Variants in SLC10A7 observed in about 807,000 individuals in gnomAD.
SLC10A7 encodes the protein solute carrier family 10 member 7.
Under a neutral mutation model 43.2 loss-of-function variants are expected in SLC10A7, and 29 were observed. The ratio of observed to expected loss-of-function variants is 0.67; its 90% CI spans 0.50 to 0.92. The LOEUF is 0.92. Among genes scored for constraint, SLC10A7 ranks in the 40% least tolerant of loss-of-function variants. The pLI is 0.00. For synonymous variants in SLC10A7, 152 were observed against 144.8 expected, an observed-to-expected ratio of 1.05 and a Z score of -0.35; for missense variants, 295 against 403.2, an observed-to-expected ratio of 0.73 and a Z score of 2.30.
intron 4 of SLC10A7, 80 bp from the exon 5 acceptor site, chr4:146,442,901 TC>T: frequency 1.0e-6 from 1 of 972,246 alleles, no homozygotes; most frequent in Non-Finnish European, 1.5e-6. Flanking sequence ...CATTCTCCCC[TC>T]CCCCACTATT....
At chr4:146,364,960 C>A (rs1375074975) in intron 5 of SLC10A7, among the ~76,000 whole-genome samples, 1 of 151,952 alleles carries the variant, frequency 6.6e-6, no homozygotes, top group Non-Finnish European at 1.5e-5. Context: ...TACACAGAAG[C>A]CCCTTCCATT....
intron 5 of SLC10A7, among the ~76,000 whole-genome samples, chr4:146,391,180 A>G (rs1202159627): frequency 6.6e-6 from 1 of 152,230 alleles, no homozygotes; most frequent in Non-Finnish European, 1.5e-5. Context: ...GCCCTTAATA[A>G]AACAATCAGC....
At chr4:146,366,375 C>T (rs941580536) in intron 5 of SLC10A7, among the ~76,000 whole-genome samples, 1 of 152,148 alleles carries the variant, frequency 6.6e-6, no homozygotes, top group African/African-American at 2.4e-5. Flanking sequence ...GAGACAAATA[C>T]ATAATAAAAA....
In SLC10A7 at chr4:146,254,653, G is replaced by C. The variant is rs1465521575; in HGVS notation, c.*1838C>G. 1 of 152,154 alleles carries C rather than the reference G, an allele frequency of 6.6e-6. No individual in the cohort carries two copies. Among genetic ancestry groups the C allele is most frequent in the Non-Finnish European group, 1.5e-5 (1 of 68,026 alleles). 9.4% of individuals were successfully genotyped at this position (152,154 alleles called of 1,614,324 possible). On this transcript the variant is annotated 3_prime_UTR_variant, in exon 12 of 12. Coordinates refer to ENST00000335472, the MANE Select transcript of SLC10A7 (RefSeq NM_001029998.6). ...TTAGACAATAGAGGTAGATAAGTTG[G>C]GGGCGGGGATCAGTATTTTAATGTT...
chr4:146,456,649 T>C (rs995532982), intron 4 of SLC10A7, among the ~76,000 whole-genome samples: 13 of 151,980 alleles, frequency 8.6e-5, no homozygotes, highest in African/African-American at 2.9e-4. Flanking sequence ...AGAGCTTCTA[T>C]GCTCTCTCAG....
At chr4:146,421,668 T>TTA (rs1417874900) in intron 5 of SLC10A7, among the ~76,000 whole-genome samples, 2 of 152,162 alleles carry the variant, frequency 1.3e-5, no homozygotes, top group African/African-American at 4.8e-5. Flanking sequence ...ATTCATTCAT[T>TTA]TATTTTTTAT....
intron 7 of SLC10A7, among the ~76,000 whole-genome samples, chr4:146,304,510 C>T (rs907139172): frequency 2.0e-5 from 3 of 152,028 alleles, no homozygotes; most frequent in Non-Finnish European, 4.4e-5. Flanking sequence ...ATTATGTACC[C>T]AGTAGTCATT....
At chr4:146,421,996 G>A (rs998481906) in intron 5 of SLC10A7, among the ~76,000 whole-genome samples, 1 of 151,766 alleles carries the variant, frequency 6.6e-6, no homozygotes, top group Admixed American at 6.6e-5. Context: ...TCCTTTCTTC[G>A]ATTACACTCT....
chr4:146,325,831 C>T, intron 6 of SLC10A7, 130 bp downstream of exon 6: 6 of 826,740 alleles, frequency 7.3e-6, no homozygotes, highest in Non-Finnish European at 9.8e-6. Flanking sequence ...TGCGGTACAG[C>T]TAAACTGGAA....
intron 10 of SLC10A7, among the ~76,000 whole-genome samples, chr4:146,262,609 A>T (rs1223952426): frequency 6.6e-6 from 1 of 152,210 alleles, no homozygotes; most frequent in African/African-American, 2.4e-5. Context: ...TCACTGATTT[A>T]TTCAATTAGA....
intron 10 of SLC10A7, among the ~76,000 whole-genome samples, chr4:146,276,037 C>T (rs1421859115): frequency 6.6e-6 from 1 of 152,190 alleles, no homozygotes; most frequent in East Asian, 1.9e-4. Flanking sequence ...CCCGCACATC[C>T]CTGATGGTTT....
intron 2 of SLC10A7, chr4:146,514,497 C>T (rs1737771600): frequency 1.3e-5 from 2 of 152,182 alleles, no homozygotes; most frequent in Non-Finnish European, 2.9e-5. Flanking sequence ...TGTCATAAAA[C>T]TGAAGACTCA....
chr4:146,469,204 T>A (rs1355718683), intron 4 of SLC10A7, among the ~76,000 whole-genome samples: 1 of 152,208 alleles, frequency 6.6e-6, no homozygotes, highest in African/African-American at 2.4e-5. Flanking sequence ...TTTCTCCAAC[T>A]GTGGCCTTTC....
intron 6 of SLC10A7, among the ~76,000 whole-genome samples, chr4:146,320,638 T>C (rs1352766797): frequency 6.6e-6 from 1 of 151,986 alleles, no homozygotes; most frequent in Non-Finnish European, 1.5e-5. Context: ...AGTTCAAGAA[T>C]TTAGAGACCA....
chr4:146,424,988 G>A (rs1446221904), intron 5 of SLC10A7, among the ~76,000 whole-genome samples: 1 of 151,874 alleles, frequency 6.6e-6, no homozygotes. Flanking sequence ...TGTGCACCAG[G>A]GTTTTTTCTA....
intron 6 of SLC10A7, among the ~76,000 whole-genome samples, chr4:146,311,372 A>G (rs115193872): frequency 1.2e-3 from 182 of 152,260 alleles, no homozygotes; most frequent in Middle Eastern, 3.4e-3. Context: ...TGCATTTTAA[A>G]TCACTCCTGT....
chr4:146,359,909 C>T (rs1735922289), intron 5 of SLC10A7, among the ~76,000 whole-genome samples: 1 of 151,986 alleles, frequency 6.6e-6, no homozygotes, highest in South Asian at 2.1e-4. Context: ...TGGAAAGATG[C>T]TGGTCAGAAA....
rs1415462846 is a variant in SLC10A7, at chr4:146,330,996, G to A, written c.436-5000C>T. ...CTTTTAAATGATGCTCCTGAATGGTGTAAATAAAATCTATGCCTTCTTCAG... is the reference window on the plus strand; with the variant it reads ...CTTTTAAATGATGCTCCTGAATGGTATAAATAAAATCTATGCCTTCTTCAG... On this transcript the variant is annotated intron_variant, in intron 5 of 11. Transcript: ENST00000335472. Among the ~76,000 whole-genome samples the A allele has an allele frequency of 4.6e-5, 7 of 152,098 alleles. No individual in the cohort carries two copies. In the South Asian group the frequency reaches 1.5e-3, roughly 32 times the overall value.
intron 10 of SLC10A7, among the ~76,000 whole-genome samples, chr4:146,278,169 G>T (rs1440504278): frequency 6.6e-6 from 1 of 152,064 alleles, no homozygotes; most frequent in Non-Finnish European, 1.5e-5. Flanking sequence ...TAAGTTTAAA[G>T]ATTTTTTTTC....
Sources: gnomAD v4.1 joint callset for allele counts (sites outside exome capture counted in the v4.1 genomes callset) on GRCh38, gnomAD v4.1.1 for gene constraint, MANE v1.5 for transcripts, NCBI Gene and HGNC (gene_info 2026-07-23, HGNC 2026-07-21) for gene names.